NSF: variants seen among roughly 807,000 people sequenced by gnomAD.
NSF encodes vesicle-fusing ATPase.
In NSF, 14 loss-of-function variants were observed where a neutral mutation model predicts 50.3. That is an observed-to-expected ratio of 0.28 (90% CI 0.18 to 0.44). NSF has a LOEUF of 0.44. NSF is among the 20% of genes least tolerant of loss of function. The probability of loss-of-function intolerance (pLI) is 1.00; values close to 1 mark genes in which losing one functional copy is unlikely to be tolerated. For missense variants in NSF, 218 were observed against 504.3 expected (o/e 0.43, Z 5.44); for synonymous variants, 109 against 175.7 (o/e 0.62, Z 3.00).
intron 17 of NSF, among the ~76,000 whole-genome samples, chr17:46,746,921 G>A (rs1187268355): frequency 6.6e-6 from 1 of 152,138 alleles, no homozygotes; most frequent in African/African-American, 2.4e-5. Flanking sequence ...TTAAGTGGAG[G>A]TGTCCCTATT....
rs2059236541 is a variant in NSF at position 46,756,581 on chromosome 17, A to G, written c.*758A>G. On this transcript the variant is annotated 3_prime_UTR_variant, in exon 21 of 21. Coordinates refer to ENST00000398238, the MANE Select transcript of NSF (RefSeq NM_006178.4). ...TGTGAAAGATAGGTATGGAAAAAGC[A>G]TACACCCCCAAACAGAAAGGAGTTA... 1.3e-5 allele frequency: 2 copies of G among 152,730 alleles called. No homozygotes were observed. The highest frequency in any genetic ancestry group is 4.8e-5 in the African/African-American group (2 of 41,574). The allele number at this position is 152,730 out of a possible 1,614,324, so 9.5% of individuals were successfully genotyped here.
intron 16 of NSF, among the ~76,000 whole-genome samples, chr17:46,728,328 G>T (rs1043962126): frequency 3.3e-5 from 5 of 152,058 alleles, no homozygotes; most frequent in African/African-American, 1.2e-4. Flanking sequence ...TTTAATATCA[G>T]TGTACTGAAT....
Position 46,713,838 on chromosome 17 carries a change from C to G in NSF, c.1628-15C>G. 1.2e-6 allele frequency: 2 copies of G among 1,606,820 alleles called. No individual in the cohort carries two copies. On this transcript the variant is annotated splice_polypyrimidine_tract_variant and intron_variant, in intron 14 of 20. Coordinates refer to ENST00000398238, the MANE Select transcript of NSF (RefSeq NM_006178.4). Reference sequence around the variant, plus strand: ...GTTGGCTTTTTTCCCCTGACTTGCTCATATCTTTATGCAGGCCCTCCTCAC... The same window carrying G: ...GTTGGCTTTTTTCCCCTGACTTGCTGATATCTTTATGCAGGCCCTCCTCAC...
At chr17:46,736,095 C>A (rs968022068) in intron 17 of NSF, among the ~76,000 whole-genome samples, 2 of 152,154 alleles carry the variant, frequency 1.3e-5, no homozygotes, top group Admixed American at 1.3e-4. Context: ...ACCCAACTTC[C>A]CTCATTTGCA....
chr17:46,720,968 C>T (rs765813937), intron 15 of NSF, among the ~76,000 whole-genome samples: 3 of 152,174 alleles, frequency 2.0e-5, no homozygotes, highest in Non-Finnish European at 4.4e-5. Flanking sequence ...CTCTGGAGCC[C>T]GTAGCTGCTG....
chr17:46,684,427 T>C (rs541033635), intron 9 of NSF, among the ~76,000 whole-genome samples: 1 of 152,012 alleles, frequency 6.6e-6, no homozygotes, highest in East Asian at 1.9e-4. Context: ...TCAATAAACA[T>C]GTGTGCATGT....
intron 17 of NSF, among the ~76,000 whole-genome samples, chr17:46,737,331 A>G (rs1053108216): frequency 6.6e-6 from 1 of 152,204 alleles, no homozygotes; most frequent in Admixed American, 6.5e-5. Context: ...AGATAGGAAT[A>G]TAGGATACTT....
chr17:46,755,896 C>A lies in NSF; in HGVS notation c.*73C>A. ...GAAGATGGCCTAGGATCTTCACTGTCTTACTCAAGATACTGGACTAAGTGG... is the reference window on the plus strand; with the variant it reads ...GAAGATGGCCTAGGATCTTCACTGTATTACTCAAGATACTGGACTAAGTGG... On this transcript the variant is annotated 3_prime_UTR_variant, in exon 21 of 21. Coordinates refer to ENST00000398238, the MANE Select transcript of NSF (RefSeq NM_006178.4). 6.9e-7 allele frequency: 1 copy of A among 1,453,352 alleles called. No homozygotes were observed. Among genetic ancestry groups the A allele is most frequent in the Non-Finnish European group, 9.6e-7 (1 of 1,044,986 alleles). The allele number at this position is 1,453,352 out of a possible 1,614,324, so 90.0% of individuals were successfully genotyped here. A position where few individuals can be genotyped will look rare whatever the true frequency, so the allele number is the denominator to read the frequency against.
At chr17:46,721,556 T>A in intron 15 of NSF, 3 of 1,320,800 alleles carry the variant, frequency 2.3e-6, no homozygotes, top group Non-Finnish European at 3.2e-6. Context: ...TGTGTGAATA[T>A]ATACTTTTTA....
chr17:46,738,221 A>G (rs1018540459), intron 17 of NSF, among the ~76,000 whole-genome samples: 1 of 152,138 alleles, frequency 6.6e-6, no homozygotes, highest in Non-Finnish European at 1.5e-5. Flanking sequence ...GGTGTGAGCC[A>G]TTACACCCAG....
At chr17:46,612,211 C>CTTT (rs143431973) in intron 1 of NSF, among the ~76,000 whole-genome samples, 8 of 97,698 alleles carry the variant, frequency 8.2e-5, no homozygotes, top group Non-Finnish European at 1.2e-4. Flanking sequence ...GATGGTCATA[C>CTTT]TTTTTTTTTT....
chr17:46,735,864 G>C (rs1266644756), intron 17 of NSF, among the ~76,000 whole-genome samples: 4 of 152,166 alleles, frequency 2.6e-5, no homozygotes, highest in African/African-American at 9.7e-5. Context: ...AGAATTGCTT[G>C]AACCCAGGAG....
chr17:46,754,303 A>G (rs1367574383), intron 19 of NSF, among the ~76,000 whole-genome samples: 1 of 151,822 alleles, frequency 6.6e-6, no homozygotes. Context: ...ACTTCTGTTC[A>G]GTGTTTTTCT....
rs1258162478 is a variant in NSF, at chr17:46,756,398, A to G, written c.*575A>G. 1.3e-5 allele frequency: 2 copies of G among 152,234 alleles called. No individual in the cohort carries two copies. The highest frequency in any genetic ancestry group is 4.8e-5 in the African/African-American group (2 of 41,444). The allele number at this position is 152,234 out of a possible 1,614,324, so 9.4% of individuals were successfully genotyped here. A position where few individuals can be genotyped will look rare whatever the true frequency, so the allele number is the denominator to read the frequency against. On this transcript the variant is annotated 3_prime_UTR_variant, in exon 21 of 21. Transcript: ENST00000398238. ...AATCTCTAAAATGCTGTTCTCAATC[A>G]TTGTCAGAGATGTTTTCAAGTTGCA...
chr17:46,606,034 C>G (rs972757364), intron 1 of NSF, among the ~76,000 whole-genome samples: 1 of 90,586 alleles, frequency 1.1e-5, no homozygotes, highest in African/African-American at 5.1e-5. Context: ...AAAAAATTAG[C>G]CGGGTGTGGT....
chr17:46,728,779 A>C, intron 16 of NSF, 76 bp from the exon 17 acceptor site: 3 of 1,118,318 alleles, frequency 2.7e-6, no homozygotes, highest in East Asian at 2.5e-5. Context: ...GATGCAAAAA[A>C]AAAAAACAAA....
intron 17 of NSF, among the ~76,000 whole-genome samples, chr17:46,740,975 A>G (rs1472855009): frequency 6.6e-6 from 1 of 152,210 alleles, no homozygotes; most frequent in East Asian, 1.9e-4. Flanking sequence ...ATTTCTAGGT[A>G]ATAAATCTCC....
rs749602886 is a variant in NSF, at chr17:46,728,852, C to T, written c.1829-3C>T. 1.3e-6 allele frequency: 2 copies of T among 1,592,316 alleles called. No homozygotes were observed. The highest frequency in any genetic ancestry group is 2.3e-5 in the South Asian group (2 of 87,138). Reference sequence around the variant, plus strand: ...CCTAAACATAATAATGTTTCTTTTCCAGATTACGTCCCTATTGGCCCTCGA... The same window carrying T: ...CCTAAACATAATAATGTTTCTTTTCTAGATTACGTCCCTATTGGCCCTCGA... On this transcript the variant is annotated splice_region_variant and splice_polypyrimidine_tract_variant and intron_variant, in intron 16 of 20. Coordinates refer to ENST00000398238, the MANE Select transcript of NSF (RefSeq NM_006178.4).
intron 9 of NSF, among the ~76,000 whole-genome samples, chr17:46,678,789 A>G (rs2058425845): frequency 7.7e-6 from 1 of 130,112 alleles, no homozygotes; most frequent in Non-Finnish European, 1.6e-5. Context: ...CAAATAAGCA[A>G]CAACTAGCTA....
Sources: allele counts gnomAD v4.1 joint callset (sites outside exome capture counted in the v4.1 genomes callset), GRCh38; gene constraint gnomAD v4.1.1; transcripts MANE v1.5; gene names NCBI Gene and HGNC (gene_info 2026-07-23, HGNC 2026-07-21).